The following RIMBP2 variants were observed in gnomAD, a reference collection of about 807,000 sequenced individuals.
RIMBP2 encodes the protein RIMS binding protein 2, also known as RIMS-binding protein 2.
Under a neutral mutation model 118.6 loss-of-function variants are expected in RIMBP2, and 48 were observed. The ratio of observed to expected loss-of-function variants is 0.40; its 90% confidence interval spans 0.32 to 0.51. The LOEUF (loss-of-function observed/expected upper bound fraction) is 0.51, where lower values mean the gene tolerates loss of function less well. Among genes scored for constraint, RIMBP2 ranks in the 20% least tolerant of loss-of-function variants. The pLI is 0.41. For synonymous variants in RIMBP2, 762 were observed against 742.9 expected, an observed-to-expected ratio of 1.03 and a Z score of -0.42; for missense variants, 1,551 against 1,768.3, an observed-to-expected ratio of 0.88 and a Z score of 2.20.
chr12:130,679,117 C>CA (rs905463347), intron 1 of RIMBP2, among the ~76,000 whole-genome samples: 1 of 151,714 alleles, frequency 6.6e-6, no homozygotes, highest in Non-Finnish European at 1.5e-5. Context: ...CAACAACAAC[C>CA]AAAAAAAAGA....
At chr12:130,611,025 A>C (rs1339327104) in intron 2 of RIMBP2, among the ~76,000 whole-genome samples, 1 of 152,070 alleles carries the variant, frequency 6.6e-6, no homozygotes, top group Non-Finnish European at 1.5e-5. Context: ...AGGTGACTTC[A>C]CCCTGGGGAG....
chr12:130,529,240 A>C (rs56108043), intron 2 of RIMBP2, among the ~76,000 whole-genome samples: 1 of 116,546 alleles, frequency 8.6e-6, no homozygotes, highest in Non-Finnish European at 1.8e-5. Flanking sequence ...CCACAACAGG[A>C]ATGAACCTCA....
intron 1 of RIMBP2, among the ~76,000 whole-genome samples, chr12:130,665,953 T>C (rs1029249026): frequency 5.9e-5 from 9 of 152,166 alleles, no homozygotes; most frequent in African/African-American, 2.2e-4. Context: ...GAACTCACTC[T>C]CAAACACCAT....
Position 130,710,131 on chromosome 12 carries a change from C to G in RIMBP2, c.-352+6091G>C, listed in dbSNP as rs1316038341. 6.6e-6 allele frequency among the ~76,000 whole-genome samples: 1 copy of G among 152,200 alleles called. No homozygotes were observed. Among genetic ancestry groups the G allele is most frequent in the Non-Finnish European group, 1.5e-5 (1 of 68,038 alleles). ...TGTGGTCCCAGCTGCTCCAAAAACA[C>G]CCAAGGAGCAATTTCTGCACATACC... On this transcript the variant is annotated intron_variant, in intron 1 of 22. Transcript: ENST00000690449. The surrounding 1 kb of genome is among the most constrained non-coding windows in gnomAD (Gnocchi z 4.3).
chr12:130,620,820 G>A lies in RIMBP2; in HGVS notation c.-217+7502C>T, dbSNP rs977612364. 6.6e-6 allele frequency among the ~76,000 whole-genome samples: 1 copy of A among 152,146 alleles called. No homozygotes were observed. The highest frequency in any genetic ancestry group is 6.5e-5 in the Admixed American group (1 of 15,278). ...CCAAGTAAGATCACATTTTGAGGGG[G>A]CTGGGCCTCCAACATTCTTTTTGTA... On this transcript the variant is annotated intron_variant, in intron 2 of 22. Coordinates refer to ENST00000690449, the MANE Select transcript of RIMBP2 (RefSeq NM_001393629.1). This position sits in a 1 kb window ranked among gnomAD's most constrained non-coding sequence, Gnocchi z 5.3.
intron 1 of RIMBP2, among the ~76,000 whole-genome samples, chr12:130,664,415 A>ACGCGCACACACACGCACG (rs1195044326): frequency 1.5e-5 from 2 of 130,590 alleles, no homozygotes; most frequent in East Asian, 2.3e-4. Context: ...ACGCACGCAC[A>ACGCGCACACACACGCACG]CACACGCACA....
intron 1 of RIMBP2, among the ~76,000 whole-genome samples, chr12:130,641,081 T>A (rs554113023): frequency 1.3e-5 from 2 of 152,300 alleles, no homozygotes; most frequent in East Asian, 3.9e-4. Context: ...TTGCCATCAT[T>A]TTAACTGATT....
chr12:130,545,436 TTTAAA>T (rs2055031297), intron 2 of RIMBP2, among the ~76,000 whole-genome samples: 1 of 152,232 alleles, frequency 6.6e-6, no homozygotes, highest in South Asian at 2.1e-4. Context: ...AAAATATTGA[TTTAAA>T]TTAATTTATA....
intron 4 of RIMBP2, among the ~76,000 whole-genome samples, chr12:130,483,541 C>A (rs2082206044): frequency 6.6e-6 from 1 of 152,160 alleles, no homozygotes; most frequent in African/African-American, 2.4e-5. Context: ...CCAAGGAAGC[C>A]CCCCACCAAG....
intron 2 of RIMBP2, among the ~76,000 whole-genome samples, chr12:130,615,981 C>T (rs977437116): frequency 6.6e-6 from 1 of 152,060 alleles, no homozygotes; most frequent in Non-Finnish European, 1.5e-5. Context: ...TGGACAACAG[C>T]GTTTGCTTTT....
intron 4 of RIMBP2, among the ~76,000 whole-genome samples, chr12:130,497,242 G>A (rs1438788595): frequency 2.0e-5 from 3 of 152,154 alleles, no homozygotes; most frequent in Non-Finnish European, 4.4e-5. Flanking sequence ...CCCCAGTTCT[G>A]GGTGGACATG....
At chr12:130,606,011 T>C (rs1024931725) in intron 2 of RIMBP2, among the ~76,000 whole-genome samples, 1 of 151,806 alleles carries the variant, frequency 6.6e-6, no homozygotes, top group Non-Finnish European at 1.5e-5. Context: ...GAGGTTGCAG[T>C]AAGCCGAGAC....
intron 1 of RIMBP2, among the ~76,000 whole-genome samples, chr12:130,646,087 TTCCCTCTCCACCTCCCTCTCCACC>T (rs1161616640): frequency 1.5e-4 from 9 of 60,504 alleles, no homozygotes; most frequent in East Asian, 5.5e-4. Flanking sequence ...CCCTCACCAC[TTCCCTCTCCACCTCCCTCTCCACC>T]TCCCTCACCA....
rs548291625 is a variant in RIMBP2 at position 130,578,922 on chromosome 12, G to A, written c.-217+49400C>T. Among the ~76,000 whole-genome samples the A allele has an allele frequency of 4.7e-4, 71 of 152,266 alleles. No homozygotes were observed. Among genetic ancestry groups the A allele is most frequent in the African/African-American group, 1.7e-3 (70 of 41,526 alleles). On this transcript the variant is annotated intron_variant, in intron 2 of 22. Transcript: ENST00000690449. The surrounding 1 kb of genome is among the most constrained non-coding windows in gnomAD (Gnocchi z 4.1). ...TTAAATATATTCATAGTTCTGCGGT[G>A]AAATATGTAAATACAAATCAAGTGG...
At chr12:130,715,359 G>C (rs1018743555) in intron 1 of RIMBP2, among the ~76,000 whole-genome samples, 1 of 152,080 alleles carries the variant, frequency 6.6e-6, no homozygotes, top group Admixed American at 6.5e-5. Flanking sequence ...CCCTCCCTCC[G>C]GCCAGCCGCC....
intron 1 of RIMBP2, among the ~76,000 whole-genome samples, chr12:130,669,462 G>T (rs942802898): frequency 2.6e-5 from 4 of 152,130 alleles, no homozygotes; most frequent in Non-Finnish European, 4.4e-5. Flanking sequence ...CCACGGGGCG[G>T]TTTCCCCGTG....
chr12:130,484,132 G>A (rs1276871385), intron 4 of RIMBP2, among the ~76,000 whole-genome samples: 7 of 152,168 alleles, frequency 4.6e-5, no homozygotes, highest in Admixed American at 6.5e-5. Context: ...GAAGGAGCCC[G>A]ATGCCCCCCG....
intron 2 of RIMBP2, among the ~76,000 whole-genome samples, chr12:130,556,616 G>A (rs1464825027): frequency 4.6e-5 from 7 of 152,240 alleles, no homozygotes; most frequent in Admixed American, 3.9e-4. Context: ...AGGGGAGCTG[G>A]AGCCTTGCAG....
chr12:130,489,085 G>A (rs2048383924), intron 4 of RIMBP2, among the ~76,000 whole-genome samples: 1 of 152,172 alleles, frequency 6.6e-6, no homozygotes, highest in African/African-American at 2.4e-5. Flanking sequence ...CCCTGGGATA[G>A]CTAAGAGCCC....
Sources: allele counts gnomAD v4.1 joint callset (sites outside exome capture counted in the v4.1 genomes callset), GRCh38; gene constraint gnomAD v4.1.1; non-coding constraint Gnocchi (gnomAD v3.1); transcripts MANE v1.5; gene names NCBI Gene and HGNC (gene_info 2026-07-23, HGNC 2026-07-21).